TOMM20L: variants seen among roughly 807,000 people sequenced by gnomAD.
The protein encoded by TOMM20L is translocase of outer mitochondrial membrane 20 like.
A neutral mutation model predicts 20.4 loss-of-function variants in TOMM20L; 19 were observed. The ratio of observed to expected loss-of-function variants is 0.93; its 90% CI spans 0.65 to 1.36. The LOEUF (loss-of-function observed/expected upper bound fraction) is 1.36. Among genes scored for constraint, TOMM20L ranks in the 40% most tolerant of loss-of-function variants. The probability of loss-of-function intolerance (pLI) is 0.00; values close to 1 mark genes in which losing one functional copy is unlikely to be tolerated. For synonymous variants in TOMM20L, 75 were observed against 79.6 expected (o/e 0.94, Z 0.30); for missense variants, 218 against 203.7 (o/e 1.07, Z -0.43).
intron 2 of TOMM20L, among the ~76,000 whole-genome samples, chr14:58,400,454 C>T (rs940505443): frequency 6.7e-6 from 1 of 150,014 alleles, no homozygotes; most frequent in Non-Finnish European, 1.5e-5. Context: ...AAAAAACAGT[C>T]TCAGCTTGGC....
At position 58,396,279 on chromosome 14, in the gene TOMM20L, T is replaced by G; in HGVS notation, c.137-19T>G. On this transcript the variant is annotated intron_variant, in intron 1 of 4. Coordinates refer to ENST00000360945, the MANE Select transcript of TOMM20L (RefSeq NM_207377.3). ...CTGGACGGGCCTCCCAGCCAGCATG[T>G]GCCGTGTTGTGTTCGCAGAAAGAAG... The G allele has an allele frequency of 6.2e-7, 1 of 1,612,672 alleles. No individual in the cohort carries two copies. The highest frequency in any genetic ancestry group is 2.2e-5 in the East Asian group (1 of 44,840).
chr14:58,404,872 G>C (rs1221515589), intron 3 of TOMM20L, among the ~76,000 whole-genome samples: 1 of 151,986 alleles, frequency 6.6e-6, no homozygotes, highest in Non-Finnish European at 1.5e-5. Context: ...AGTTAGAACT[G>C]ACTTAAATGA....
rs564134005 is a variant in TOMM20L at position 58,405,176 on chromosome 14, C to G, written c.263-2150C>G. On this transcript the variant is annotated intron_variant, in intron 3 of 4. Coordinates refer to ENST00000360945, the MANE Select transcript of TOMM20L (RefSeq NM_207377.3). Reference sequence around the variant, plus strand: ...AGACACAGGGTTTCACCATGTTGGTCAGGCTGGTCTCAAACTCCTGGCCTC... The same window carrying G: ...AGACACAGGGTTTCACCATGTTGGTGAGGCTGGTCTCAAACTCCTGGCCTC... Among the ~76,000 whole-genome samples, 36 of 152,278 alleles carry G rather than the reference C, an allele frequency of 2.4e-4. 1 individual carries two copies. In the East Asian group the frequency reaches 5.2e-3, roughly 22 times the overall value.
intron 4 of TOMM20L, 121 bp from the exon 5 acceptor site, chr14:58,408,408 A>G: frequency 1.2e-6 from 1 of 868,474 alleles, no homozygotes; most frequent in Non-Finnish European, 1.8e-6. Flanking sequence ...CGAAAGCAAA[A>G]CTCCGTCTCA....
intron 2 of TOMM20L, among the ~76,000 whole-genome samples, chr14:58,401,848 C>A (rs867523957): frequency 2.0e-5 from 3 of 152,176 alleles, no homozygotes; most frequent in African/African-American, 7.2e-5. Context: ...CCCCTGCCAA[C>A]CCCCAACCAG....
At chr14:58,400,394 C>G (rs1204391866) in intron 2 of TOMM20L, among the ~76,000 whole-genome samples, 1 of 149,320 alleles carries the variant, frequency 6.7e-6, no homozygotes, top group Admixed American at 6.7e-5. Context: ...TGCACTCCAG[C>G]CTGGGCAACA....
At chr14:58,415,020 G>C in the TOMM20L span, among the ~76,000 whole-genome samples, 62 of 152,136 alleles carry the variant, frequency 4.1e-4, no homozygotes, top group African/African-American at 1.4e-3. Flanking sequence ...TGTCAGTGGA[G>C]GCCACATGGG....
chr14:58,405,378 C>T (rs1455253118), intron 3 of TOMM20L, among the ~76,000 whole-genome samples: 4 of 152,136 alleles, frequency 2.6e-5, no homozygotes, highest in Non-Finnish European at 5.9e-5. Context: ...AAGATGATAA[C>T]GTATTTTATC....
chr14:58,405,705 C>T (rs1412648941), intron 3 of TOMM20L, among the ~76,000 whole-genome samples: 1 of 152,112 alleles, frequency 6.6e-6, no homozygotes, highest in Non-Finnish European at 1.5e-5. Context: ...CTGGGTTTTG[C>T]CATGTTGGCC....
chr14:58,408,320 A>C lies in TOMM20L; in HGVS notation c.406-209A>C, dbSNP rs4901856. On this transcript the variant is annotated intron_variant, in intron 4 of 4. Transcript: ENST00000360945. ...TAATCCCAGCTACTTGGGAGGCTGA[A>C]GCAGCAGAATTGCTTGAACTGGGGA... Among the ~76,000 whole-genome samples the C allele has an allele frequency of 2.6e-5, 4 of 151,848 alleles. No individual in the cohort carries two copies. In the East Asian group the frequency reaches 7.7e-4, roughly 29 times the overall value.
At chr14:58,410,697 T>C, downstream of TOMM20L, 1 of 574,196 alleles carries the variant, frequency 1.7e-6, no homozygotes, top group Non-Finnish European at 3.0e-6. Flanking sequence ...CGTGGTTCAG[T>C]GGCTGCTTCA....
At chr14:58,412,481 C>T (rs1323858972), downstream of TOMM20L, among the ~76,000 whole-genome samples, 2 of 152,086 alleles carry the variant, frequency 1.3e-5, no homozygotes. Context: ...ACTCAAAGGC[C>T]CTGTCTATCA....
At chr14:58,400,896 C>A (rs2035985621) in intron 2 of TOMM20L, among the ~76,000 whole-genome samples, 1 of 151,988 alleles carries the variant, frequency 6.6e-6, no homozygotes, top group African/African-American at 2.4e-5. Flanking sequence ...AACAAACAAA[C>A]ATTTACCCTA....
In TOMM20L at chr14:58,404,099, G is replaced by GTGTGTGTATA. The variant is rs1408980666; in HGVS notation, c.262+1339_262+1340insGTGTGTATAT. ...GTACAATGTATATATACATATATAT[G>GTGTGTGTATA]TATATATATATATATATATATTTTT... On this transcript the variant is annotated intron_variant, in intron 3 of 4. Coordinates refer to ENST00000360945, the MANE Select transcript of TOMM20L (RefSeq NM_207377.3). Among the ~76,000 whole-genome samples the GTGTGTGTATA allele has an allele frequency of 3.1e-3, 72 of 22,930 alleles. 6 individuals carry two copies. Among genetic ancestry groups the GTGTGTGTATA allele is most frequent in the Middle Eastern group, 0.029 (1 of 34 alleles). The allele number at this position is 22,930 out of a possible 152,430, so 15.0% of individuals were successfully genotyped here. A position where few individuals can be genotyped will look rare whatever the true frequency, so the allele number is the denominator to read the frequency against.
intron 2 of TOMM20L, 66 bp from the exon 3 acceptor site, chr14:58,402,614 A>G (rs2036005450): frequency 2.4e-6 from 3 of 1,260,656 alleles, no homozygotes; most frequent in Non-Finnish European, 3.4e-6. Context: ...AATAAAAAAT[A>G]ATTTGATCAG....
At chr14:58,413,306 GACCCTTACT>G (rs900701115), downstream of TOMM20L, among the ~76,000 whole-genome samples, 1 of 152,160 alleles carries the variant, frequency 6.6e-6, no homozygotes, top group Admixed American at 6.5e-5. Flanking sequence ...ATTTAACTCT[GACCCTTACT>G]ACTAATGATC....
At chr14:58,410,379 T>C (rs778446317), downstream of TOMM20L, among the ~76,000 whole-genome samples, 2 of 151,512 alleles carry the variant, frequency 1.3e-5, no homozygotes, top group South Asian at 2.1e-4. Flanking sequence ...GATTATGCCA[T>C]TGCACTCCAG....
At chr14:58,403,223 T>C (rs79445438) in intron 3 of TOMM20L, among the ~76,000 whole-genome samples, 4,449 of 152,258 alleles carry the variant, frequency 0.029, 91 homozygotes, top group Middle Eastern at 0.054. Context: ...TTGGGTACCA[T>C]GGCATGTGCC....
At chr14:58,410,881 C>T (rs1345390242), downstream of TOMM20L, 5 of 1,613,084 alleles carry the variant, frequency 3.1e-6, no homozygotes, top group Non-Finnish European at 3.4e-6. Context: ...AAGTCTTTAA[C>T]ACAGTCCAAA....
Sources: gnomAD v4.1 joint callset for allele counts (sites outside exome capture counted in the v4.1 genomes callset) on GRCh38, gnomAD v4.1.1 for gene constraint, MANE v1.5 for transcripts, NCBI Gene and HGNC (gene_info 2026-07-23, HGNC 2026-07-21) for gene names.